Variants in XKR9 observed in about 807,000 individuals in gnomAD.
The protein encoded by XKR9 is XK-related protein 9.
In XKR9, 32 loss-of-function variants were observed where a neutral mutation model predicts 32.0. The observed-to-expected ratio is 1.00, with a 90% CI of 0.76 to 1.34. XKR9 has a LOEUF of 1.34. Ranked by LOEUF, XKR9 falls within the 40% of genes most tolerant of loss-of-function variation. XKR9 has a pLI of 0.00. For synonymous variants in XKR9, 168 were observed against 143.4 expected (o/e 1.17, Z -1.22); for missense variants, 546 against 429.7 (o/e 1.27, Z -2.39).
At chr8:70,873,164 A>G in the XKR9 span, among the ~76,000 whole-genome samples, 1 of 152,170 alleles carries the variant, frequency 6.6e-6, no homozygotes, top group Non-Finnish European at 1.5e-5. Context: ...ATTCCTCTCA[A>G]AAGATTACTT....
chr8:70,821,026 A>G, the XKR9 span, among the ~76,000 whole-genome samples: 1 of 152,208 alleles, frequency 6.6e-6, no homozygotes, highest in African/African-American at 2.4e-5. Flanking sequence ...TCCAAGTGCA[A>G]AGCCTCATTT....
the XKR9 span, among the ~76,000 whole-genome samples, chr8:70,978,215 G>C: frequency 6.6e-6 from 1 of 151,444 alleles, no homozygotes; most frequent in African/African-American, 2.4e-5. Flanking sequence ...CTTTTAACTG[G>C]AGCATTTAGC....
chr8:70,944,223 T>A, the XKR9 span, among the ~76,000 whole-genome samples: 1 of 152,160 alleles, frequency 6.6e-6, no homozygotes, highest in African/African-American at 2.4e-5. Context: ...ATTTTGTAAG[T>A]GTTAAAAAGA....
chr8:70,780,455 T>G (rs532421044), intron 2 of XKR9, among the ~76,000 whole-genome samples: 1 of 152,258 alleles, frequency 6.6e-6, no homozygotes, highest in African/African-American at 2.4e-5. Context: ...TCAAAATACT[T>G]TCTAAGTTCC....
At chr8:70,769,733 T>C (rs1396810628) in intron 2 of XKR9, among the ~76,000 whole-genome samples, 2 of 151,894 alleles carry the variant, frequency 1.3e-5, no homozygotes, top group Non-Finnish European at 2.9e-5. Flanking sequence ...TCGATTTGAC[T>C]CTTGATACTT....
At chr8:70,976,691 T>C in the XKR9 span, among the ~76,000 whole-genome samples, 1 of 152,222 alleles carries the variant, frequency 6.6e-6, no homozygotes, top group Non-Finnish European at 1.5e-5. Flanking sequence ...TTTTTTGTTA[T>C]GTCTTTGCTA....
At chr8:70,720,791 T>C (rs2132214785) in intron 4 of XKR9, among the ~76,000 whole-genome samples, 1 of 152,332 alleles carries the variant, frequency 6.6e-6, no homozygotes, top group South Asian at 2.1e-4. Flanking sequence ...TGCCATGTTT[T>C]GGTGACAGGA....
the XKR9 span, among the ~76,000 whole-genome samples, chr8:70,920,028 G>A: frequency 2.6e-5 from 4 of 152,064 alleles, no homozygotes; most frequent in African/African-American, 7.2e-5. Context: ...CGGTCTTGAC[G>A]TAGTTACTTA....
the XKR9 span, among the ~76,000 whole-genome samples, chr8:70,972,311 C>T: frequency 3.9e-5 from 6 of 152,076 alleles, no homozygotes; most frequent in South Asian, 1.2e-3. Flanking sequence ...TGTACATTAA[C>T]TTTGTATCCT....
chr8:70,812,221 G>A, the XKR9 span, among the ~76,000 whole-genome samples: 1 of 152,130 alleles, frequency 6.6e-6, no homozygotes, highest in Admixed American at 6.6e-5. Flanking sequence ...TGCAGAAAAG[G>A]CCTTTGACAA....
At chr8:70,941,778 T>C in the XKR9 span, among the ~76,000 whole-genome samples, 1 of 152,148 alleles carries the variant, frequency 6.6e-6, no homozygotes. Context: ...CTCAGGGGTG[T>C]GAATTTCCCT....
At chr8:70,772,324 G>A (rs1414181461) in intron 2 of XKR9, among the ~76,000 whole-genome samples, 3 of 152,128 alleles carry the variant, frequency 2.0e-5, no homozygotes, top group Non-Finnish European at 4.4e-5. Context: ...GAACACACAG[G>A]AAAAGATGCA....
At chr8:70,831,634 A>ATT in the XKR9 span, among the ~76,000 whole-genome samples, 1 of 151,916 alleles carries the variant, frequency 6.6e-6, no homozygotes, top group Admixed American at 6.6e-5. Context: ...CAATTCTATC[A>ATT]TTTTTTTCTT....
intron 2 of XKR9, among the ~76,000 whole-genome samples, chr8:70,745,091 G>A (rs115639750): frequency 0.011 from 1,597 of 150,118 alleles, 101 homozygotes; most frequent in African/African-American, 0.037. Context: ...TGAATGCTAA[G>A]TGTCCCACAC....
chr8:70,849,556 C>A, the XKR9 span, among the ~76,000 whole-genome samples: 1 of 152,146 alleles, frequency 6.6e-6, no homozygotes, highest in East Asian at 1.9e-4. Flanking sequence ...ATTAAAAGAA[C>A]TAGAGAAGCA....
At chr8:70,974,364 G>A in the XKR9 span, among the ~76,000 whole-genome samples, 1 of 151,918 alleles carries the variant, frequency 6.6e-6, no homozygotes, top group Non-Finnish European at 1.5e-5. Context: ...TTTACGTTAG[G>A]TATTTCTCCT....
At chr8:70,923,763 T>G in the XKR9 span, among the ~76,000 whole-genome samples, 1 of 152,228 alleles carries the variant, frequency 6.6e-6, no homozygotes, top group African/African-American at 2.4e-5. Flanking sequence ...GTTTGGGTTT[T>G]GTGGGATATT....
intron 2 of XKR9, among the ~76,000 whole-genome samples, chr8:70,786,698 C>G (rs1807693118): frequency 6.6e-6 from 1 of 151,962 alleles, no homozygotes; most frequent in African/African-American, 2.4e-5. Context: ...ATAGTTGGGT[C>G]TTGTTTTTTC....
At chr8:70,716,659 A>G (rs1290341639) in intron 4 of XKR9, among the ~76,000 whole-genome samples, 2 of 152,150 alleles carry the variant, frequency 1.3e-5, no homozygotes, top group East Asian at 3.9e-4. Flanking sequence ...ATAGGATTAC[A>G]ATTCAAGATG....
Sources: gnomAD v4.1 joint callset for allele counts (sites outside exome capture counted in the v4.1 genomes callset) on GRCh38, gnomAD v4.1.1 for gene constraint, MANE v1.5 for transcripts, NCBI Gene and HGNC (gene_info 2026-07-23, HGNC 2026-07-21) for gene names.